NR3C2: variants seen among roughly 807,000 people sequenced by gnomAD.
NR3C2 encodes mineralocorticoid receptor.
In NR3C2, 15 loss-of-function variants were observed where a neutral mutation model predicts 86.4. The ratio of observed to expected loss-of-function variants is 0.17; its 90% CI spans 0.12 to 0.27. The LOEUF (loss-of-function observed/expected upper bound fraction) is 0.27, where lower values mean the gene tolerates loss of function less well. Among genes scored for constraint, NR3C2 ranks in the 10% least tolerant of loss-of-function variants. NR3C2 has a pLI of 1.00. For missense variants in NR3C2, 960 were observed against 1,195.6 expected (o/e 0.80, Z 2.91); for synonymous variants, 458 against 450.5 (o/e 1.02, Z -0.21).
chr4:148,418,883 TA>T (rs1749135878), intron 2 of NR3C2, among the ~76,000 whole-genome samples: 1 of 152,192 alleles, frequency 6.6e-6, no homozygotes, highest in Admixed American at 6.5e-5. Flanking sequence ...AAGTATGACC[TA>T]AAAGCTGGCT....
Position 148,184,808 on chromosome 4 carries a change from G to T in NR3C2, c.2014+9938C>A, listed in dbSNP as rs776954045. The stretch of plus-strand genomic sequence containing the variant: ...ACATACTACAGAGGGTAATCTTTTG[G>T]GCCACATCTGCAATGATTCCAATAT... On this transcript the variant is annotated intron_variant, in intron 4 of 8. Coordinates refer to ENST00000358102, the MANE Select transcript of NR3C2 (RefSeq NM_000901.5). Among the ~76,000 whole-genome samples, 71 of 152,096 alleles carry T rather than the reference G, an allele frequency of 4.7e-4. No individual in the cohort carries two copies. The Middle Eastern group carries it at 0.01, about 22-fold the overall frequency.
intron 3 of NR3C2, among the ~76,000 whole-genome samples, chr4:148,245,407 C>T (rs1275121064): frequency 2.6e-5 from 4 of 152,140 alleles, no homozygotes; most frequent in South Asian, 2.1e-4. Context: ...GAAAAACCTG[C>T]GTGCAATTCC....
chr4:148,323,843 G>C (rs1216072905), intron 2 of NR3C2, among the ~76,000 whole-genome samples: 1 of 149,190 alleles, frequency 6.7e-6, no homozygotes, highest in Non-Finnish European at 1.5e-5. Context: ...CGTCTTCTGC[G>C]TCGCTCACGC....
At chr4:148,388,849 T>C (rs554215382) in intron 2 of NR3C2, among the ~76,000 whole-genome samples, 32 of 152,160 alleles carry the variant, frequency 2.1e-4, no homozygotes, top group Non-Finnish European at 4.0e-4. Context: ...TACTCCTCTG[T>C]AGATCAGCCA....
intron 2 of NR3C2, among the ~76,000 whole-genome samples, chr4:148,345,756 T>C (rs185097165): frequency 2.6e-5 from 4 of 152,092 alleles, no homozygotes; most frequent in Admixed American, 2.6e-4. Flanking sequence ...TTTCTGGGTG[T>C]CTTCATTCAC....
intron 2 of NR3C2, among the ~76,000 whole-genome samples, chr4:148,380,564 A>G (rs1341376491): frequency 6.6e-6 from 1 of 152,222 alleles, no homozygotes; most frequent in Non-Finnish European, 1.5e-5. Flanking sequence ...TCCCACCAGC[A>G]ATGCATGAAC....
intron 2 of NR3C2, among the ~76,000 whole-genome samples, chr4:148,425,986 C>T (rs981822163): frequency 1.3e-5 from 2 of 152,102 alleles, no homozygotes; most frequent in South Asian, 4.1e-4. Flanking sequence ...CTCACCTTCC[C>T]AGGACACTGC....
chr4:148,152,422 C>CATA, intron 6 of NR3C2, 47 bp downstream of exon 6: 1 of 1,578,510 alleles, frequency 6.3e-7, no homozygotes, highest in Non-Finnish European at 8.7e-7. Context: ...AATCATAACG[C>CATA]ATAACTCTGC....
intron 6 of NR3C2, among the ~76,000 whole-genome samples, chr4:148,125,179 T>C (rs1732686521): frequency 6.6e-6 from 1 of 152,260 alleles, no homozygotes; most frequent in African/African-American, 2.4e-5. Context: ...GAGCAGTTTT[T>C]ATGCTAATTT....
intron 2 of NR3C2, among the ~76,000 whole-genome samples, chr4:148,370,711 T>C (rs1050198498): frequency 6.6e-6 from 1 of 152,192 alleles, no homozygotes; most frequent in Non-Finnish European, 1.5e-5. Context: ...GACACTCCCA[T>C]AGTCTGGTTA....
intron 2 of NR3C2, among the ~76,000 whole-genome samples, chr4:148,400,307 T>TA (rs1266815604): frequency 6.6e-6 from 1 of 152,216 alleles, no homozygotes; most frequent in African/African-American, 2.4e-5. Context: ...GCCTTCTACT[T>TA]ACAGTAATGT....
chr4:148,262,921 C>T (rs1740196865), intron 2 of NR3C2, among the ~76,000 whole-genome samples: 1 of 152,124 alleles, frequency 6.6e-6, no homozygotes, highest in Non-Finnish European at 1.5e-5. Flanking sequence ...TCTGATCAAT[C>T]TCCAAACACT....
chr4:148,273,177 C>G (rs1002689673), intron 2 of NR3C2, among the ~76,000 whole-genome samples: 96 of 152,084 alleles, frequency 6.3e-4, no homozygotes, highest in Non-Finnish European at 3.7e-4. Context: ...GATTTCAATG[C>G]CACTGGAACA....
chr4:148,414,241 T>C (rs998058062), intron 2 of NR3C2, among the ~76,000 whole-genome samples: 1 of 152,120 alleles, frequency 6.6e-6, no homozygotes, highest in African/African-American at 2.4e-5. Flanking sequence ...GATAAAAACA[T>C]GGGCAGAAAA....
At chr4:148,208,750 C>G (rs1202911415) in intron 3 of NR3C2, 1 of 152,244 alleles carries the variant, frequency 6.6e-6, no homozygotes, top group Non-Finnish European at 1.5e-5. Flanking sequence ...CCACCTTGGT[C>G]TGATTCATAT....
chr4:148,318,580 A>G (rs529150512), intron 2 of NR3C2, among the ~76,000 whole-genome samples: 5 of 152,092 alleles, frequency 3.3e-5, no homozygotes, highest in African/African-American at 1.2e-4. Context: ...AACTGGTGTG[A>G]GATGATATCT....
At chr4:148,108,345 T>C (rs1731898614) in intron 8 of NR3C2, among the ~76,000 whole-genome samples, 1 of 152,188 alleles carries the variant, frequency 6.6e-6, no homozygotes, top group South Asian at 2.1e-4. Flanking sequence ...TCAAGTGATC[T>C]GCCCACCTCC....
intron 2 of NR3C2, among the ~76,000 whole-genome samples, chr4:148,406,446 G>A (rs1027947932): frequency 6.6e-6 from 1 of 152,124 alleles, no homozygotes; most frequent in African/African-American, 2.4e-5. Context: ...GAGCAAGGAC[G>A]TTGTGGTGGT....
At chr4:148,117,611 T>A (rs904328765) in intron 7 of NR3C2, among the ~76,000 whole-genome samples, 2 of 152,144 alleles carry the variant, frequency 1.3e-5, no homozygotes, top group Admixed American at 6.5e-5. Flanking sequence ...AGATAATATA[T>A]GGAAAAACAC....
Sources: allele counts gnomAD v4.1 joint callset (sites outside exome capture counted in the v4.1 genomes callset), GRCh38; gene constraint gnomAD v4.1.1; transcripts MANE v1.5; gene names NCBI Gene and HGNC (gene_info 2026-07-23, HGNC 2026-07-21).